ZNF875: variants seen among roughly 807,000 people sequenced by gnomAD.
ZNF875 encodes the protein HKR1, GLI-Kruppel zinc finger family member.
Under a neutral mutation model 11.2 loss-of-function variants are expected in ZNF875, and 14 were observed. The ratio of observed to expected loss-of-function variants is 1.26; its 90% CI spans 0.83 to 1.96. ZNF875 has a LOEUF of 1.96. Among genes scored for constraint, ZNF875 ranks in the 30% most tolerant of loss-of-function variants. ZNF875 has a pLI of 0.00. For synonymous variants in ZNF875, 301 were observed against 281.1 expected (o/e 1.07, Z -0.71); for missense variants, 752 against 760.4 (o/e 0.99, Z 0.13).
At chr19:37,322,777 T>A (rs2031726300) in intron 2 of ZNF875, among the ~76,000 whole-genome samples, 2 of 152,208 alleles carry the variant, frequency 1.3e-5, no homozygotes, top group South Asian at 2.1e-4. Context: ...TTTACTGTCC[T>A]CACAGTTTAC....
At chr19:37,316,956 C>G (rs961795765), upstream of ZNF875, 1 of 150,274 alleles carries the variant, frequency 6.7e-6, no homozygotes, top group Non-Finnish European at 1.5e-5. Context: ...CGTGAGCCAC[C>G]GCGCCCGGCC....
At chr19:37,339,679 C>G (rs963964219) in intron 2 of ZNF875, among the ~76,000 whole-genome samples, 1 of 151,510 alleles carries the variant, frequency 6.6e-6, no homozygotes, top group African/African-American at 2.4e-5. Flanking sequence ...ATTCTCTTGC[C>G]TCAGCCTCTT....
At chr19:37,361,136 GAGT>G (rs1232704653) in intron 4 of ZNF875, among the ~76,000 whole-genome samples, 90 of 122,286 alleles carry the variant, frequency 7.4e-4, no homozygotes, top group Non-Finnish European at 1.2e-3. Context: ...TTTTGAGACA[GAGT>G]CTCACTGTGT....
At chr19:37,329,379 G>GAA (rs1176961816) in intron 4 of ZNF875, among the ~76,000 whole-genome samples, 3 of 152,164 alleles carry the variant, frequency 2.0e-5, no homozygotes, top group Non-Finnish European at 2.9e-5. Context: ...GCTATGGATG[G>GAA]TATTCAGAAG....
At chr19:37,357,901 C>T in intron 4 of ZNF875, 1 of 398,352 alleles carries the variant, frequency 2.5e-6, no homozygotes, top group Non-Finnish European at 4.4e-6. Context: ...TCTAGGACTT[C>T]CAGTACTAAG....
At chr19:37,350,093 G>A (rs1439304136) in intron 4 of ZNF875, among the ~76,000 whole-genome samples, 2 of 122,770 alleles carry the variant, frequency 1.6e-5, no homozygotes, top group African/African-American at 3.3e-5. Context: ...CACCACGCCC[G>A]GCCCCCACTG....
chr19:37,314,597 G>T (rs1166090153), upstream of ZNF875, among the ~76,000 whole-genome samples: 2 of 152,008 alleles, frequency 1.3e-5, no homozygotes, highest in Admixed American at 1.3e-4. Flanking sequence ...GGAAAAGGTG[G>T]GGGACTCACT....
chr19:37,334,587 G>A, upstream of ZNF875: 1 of 422,120 alleles, frequency 2.4e-6, no homozygotes, highest in Non-Finnish European at 4.8e-6. Flanking sequence ...ATCCCCAGAG[G>A]CCTCTGCGGT....
intron 4 of ZNF875, among the ~76,000 whole-genome samples, chr19:37,356,571 G>A (rs1213112801): frequency 6.6e-6 from 1 of 152,064 alleles, no homozygotes; most frequent in Non-Finnish European, 1.5e-5. Context: ...GTATTTCTCT[G>A]ATGATTAGTG....
intron 4 of ZNF875, among the ~76,000 whole-genome samples, chr19:37,353,283 A>G (rs1039742143): frequency 6.6e-5 from 10 of 152,160 alleles, no homozygotes; most frequent in Non-Finnish European, 1.5e-5. Flanking sequence ...ACTTAAACCA[A>G]TTAGAGTTAT....
chr19:37,315,802 G>GTCCC (rs2030152484), upstream of ZNF875, among the ~76,000 whole-genome samples: 6 of 151,978 alleles, frequency 3.9e-5, no homozygotes, highest in Admixed American at 3.9e-4. Flanking sequence ...CCTACAAGCA[G>GTCCC]AAGTGTTGCA....
chr19:37,342,810 C>G (rs1381007965), intron 2 of ZNF875, among the ~76,000 whole-genome samples: 1 of 152,144 alleles, frequency 6.6e-6, no homozygotes, highest in Non-Finnish European at 1.5e-5. Context: ...CAGGCAATAG[C>G]TTTGCTAATA....
In ZNF875 at chr19:37,362,807, T is replaced by C; in HGVS notation, c.955T>C (p.Phe319Leu). Reference protein sequence around the residue: ...PYVCKDCGRGFTWKSNLFTHQ... With the variant: ...PYVCKDCGRGLTWKSNLFTHQ... ...TGTGTGCAAGGATTGTGGACGAGGCTTTACTTGGAAGTCGAACCTCTTTAC... is the reference window on the plus strand; with the variant it reads ...TGTGTGCAAGGATTGTGGACGAGGCCTTACTTGGAAGTCGAACCTCTTTAC... Residue 319 changes from phenylalanine to leucine, a missense_variant, in exon 5 of 5, where the codon TTT (phenylalanine) becomes CTT (leucine). Phe to Leu is a conservative substitution (Grantham distance 22). Transcript: ENST00000392153. 1 of 1,613,890 alleles carries C rather than the reference T, an allele frequency of 6.2e-7. No individual in the cohort carries two copies. The highest frequency in any genetic ancestry group is 8.5e-7 in the Non-Finnish European group (1 of 1,179,968).
chr19:37,329,671 C>T (rs2033082373), upstream of ZNF875, among the ~76,000 whole-genome samples: 1 of 152,184 alleles, frequency 6.6e-6, no homozygotes, highest in Non-Finnish European at 1.5e-5. Context: ...GTACCTACTT[C>T]TACCTGAACA....
chr19:37,331,230 G>T (rs1599920513), upstream of ZNF875, among the ~76,000 whole-genome samples: 5 of 103,816 alleles, frequency 4.8e-5, no homozygotes, highest in East Asian at 3.2e-4. Context: ...ATAACTCCTT[G>T]CTTTTTTTTT....
upstream of ZNF875, among the ~76,000 whole-genome samples, chr19:37,332,373 C>T (rs1307370484): frequency 2.6e-5 from 4 of 152,096 alleles, no homozygotes; most frequent in Admixed American, 6.5e-5. Flanking sequence ...CACCCCTACA[C>T]GCCCAGCTAA....
chr19:37,354,749 C>T (rs915768810), intron 4 of ZNF875, among the ~76,000 whole-genome samples: 1 of 152,112 alleles, frequency 6.6e-6, no homozygotes, highest in African/African-American at 2.4e-5. Flanking sequence ...CTTATGCAGA[C>T]TGGGTTAGTT....
rs193001814 is a variant in ZNF875 at position 37,321,791 on chromosome 19, A to G, written c.-746-394A>G. On this transcript the variant is annotated intron_variant, in intron 1 of 5. Coordinates refer to the ZNF875 transcript ENST00000544914. ...AGCAAATCCACCCAGGATCGGGGAGAGAGGACATCGATTCTGCCTCTCAAA... is the reference window on the plus strand; with the variant it reads ...AGCAAATCCACCCAGGATCGGGGAGGGAGGACATCGATTCTGCCTCTCAAA... Among the ~76,000 whole-genome samples the G allele has an allele frequency of 5.7e-4, 87 of 152,268 alleles. No homozygotes were observed. In the East Asian group the frequency reaches 0.016, roughly 29 times the overall value.
At chr19:37,352,012 C>T (rs1423220773) in intron 4 of ZNF875, among the ~76,000 whole-genome samples, 1 of 152,182 alleles carries the variant, frequency 6.6e-6, no homozygotes, top group African/African-American at 2.4e-5. Context: ...GGTGTGTTAA[C>T]ATATCATTGT....
Sources: allele counts gnomAD v4.1 joint callset (sites outside exome capture counted in the v4.1 genomes callset), GRCh38; gene constraint gnomAD v4.1.1; transcripts MANE v1.5; gene names NCBI Gene and HGNC (gene_info 2026-07-23, HGNC 2026-07-21).